Variants in GPC3 observed in about 807,000 individuals in gnomAD.
The protein encoded by GPC3 is glypican 3.
GPC3 carries 3 observed loss-of-function variants against 34.4 expected under a neutral mutation model. The ratio of observed to expected loss-of-function variants is 0.09; its 90% CI spans 0.04 to 0.23. The LOEUF is 0.23. Ranked by LOEUF, GPC3 falls within the 10% of genes least tolerant of loss-of-function variation. GPC3 has a pLI of 1.00. For synonymous variants in GPC3, 177 were observed against 174.0 expected (o/e 1.02, Z -0.13); for missense variants, 351 against 445.6 (o/e 0.79, Z 1.91).
chrX:133,733,150 T>C lies in GPC3; in HGVS notation c.1032+20332A>G, dbSNP rs1399765015. ...TCTTTTGCAGCAACTTGGATGGAGC[T>C]GGAGGCCATTATTCTAAGTGAAGTA... On this transcript the variant is annotated intron_variant, in intron 3 of 7. Transcript: ENST00000370818. 2.4e-4 allele frequency among the ~76,000 whole-genome samples: 27 copies of C among 111,305 alleles called. No homozygotes were observed. In the Admixed American group the frequency reaches 2.6e-3, roughly 11 times the overall value.
chrX:133,918,809 C>T (rs777414213), intron 2 of GPC3, among the ~76,000 whole-genome samples: 33 of 111,759 alleles, frequency 3.0e-4, no homozygotes, highest in African/African-American at 8.8e-4. Context: ...AATTTAAATG[C>T]GTTAGGACTT....
intron 6 of GPC3, among the ~76,000 whole-genome samples, chrX:133,615,160 T>C (rs1240101164): frequency 2.7e-5 from 3 of 111,854 alleles, no homozygotes; most frequent in African/African-American, 6.5e-5. Context: ...TTTCAAAAAA[T>C]GGAAGAGAAA....
intron 6 of GPC3, among the ~76,000 whole-genome samples, chrX:133,648,261 G>GTT (rs11318287): frequency 2.1e-4 from 17 of 82,815 alleles, no homozygotes; most frequent in Non-Finnish European, 2.4e-4. Flanking sequence ...ATACTATGAG[G>GTT]TTTTTTTTTT....
chrX:133,938,089 G>T (rs1292041647), intron 2 of GPC3, among the ~76,000 whole-genome samples: 1 of 112,051 alleles, frequency 8.9e-6, no homozygotes, highest in Non-Finnish European at 1.9e-5. Context: ...AAGCCAAATT[G>T]ATGAAGGGGA....
At chrX:133,570,081 C>T (rs747699288) in intron 7 of GPC3, among the ~76,000 whole-genome samples, 1 of 110,322 alleles carries the variant, frequency 9.1e-6, no homozygotes, top group East Asian at 2.9e-4. Context: ...TTAGTAGAGA[C>T]GGGGTTTCAC....
intron 2 of GPC3, among the ~76,000 whole-genome samples, chrX:133,897,155 C>T (rs1475561287): frequency 9.3e-6 from 1 of 107,835 alleles, no homozygotes; most frequent in Non-Finnish European, 1.9e-5. Flanking sequence ...ATCCGCCCAC[C>T]TTGGCCTCCT....
chrX:133,603,212 G>A (rs959844935), intron 6 of GPC3, among the ~76,000 whole-genome samples: 1 of 109,689 alleles, frequency 9.1e-6, no homozygotes, highest in South Asian at 4.0e-4. Flanking sequence ...TGGTGAATCT[G>A]GGATGGGGCA....
chrX:133,908,647 T>C (rs1038497152), intron 2 of GPC3, among the ~76,000 whole-genome samples: 1 of 111,693 alleles, frequency 9.0e-6, no homozygotes, highest in Non-Finnish European at 1.9e-5. Flanking sequence ...GTTCATAAAA[T>C]GTGGTGACTA....
At chrX:133,586,418 T>C (rs774989704) in intron 7 of GPC3, among the ~76,000 whole-genome samples, 2 of 111,806 alleles carry the variant, frequency 1.8e-5, no homozygotes, top group Non-Finnish European at 3.8e-5. Context: ...AGTGTTATTA[T>C]GGTGAGCTTT....
At chrX:133,705,623 G>A (rs992875466) in intron 3 of GPC3, among the ~76,000 whole-genome samples, 1 of 112,140 alleles carries the variant, frequency 8.9e-6, no homozygotes, top group Non-Finnish European at 1.9e-5. Context: ...TTTTGTTTTC[G>A]ATTTTCCCGT....
At chrX:133,764,132 C>T (rs1046949897) in intron 2 of GPC3, among the ~76,000 whole-genome samples, 1 of 111,750 alleles carries the variant, frequency 8.9e-6, no homozygotes, top group East Asian at 2.8e-4. Context: ...AACATGGATG[C>T]AACTGAAGGT....
chrX:133,975,251 G>A (rs938735765), intron 1 of GPC3, among the ~76,000 whole-genome samples: 12 of 111,767 alleles, frequency 1.1e-4, no homozygotes, highest in African/African-American at 3.9e-4. Context: ...TGTTTTCAAG[G>A]CTCCTCATCA....
At chrX:133,936,456 C>T (rs1362050776) in intron 2 of GPC3, among the ~76,000 whole-genome samples, 1 of 110,759 alleles carries the variant, frequency 9.0e-6, no homozygotes, top group Non-Finnish European at 1.9e-5. Context: ...GTTTTCCACA[C>T]GTGCCTAAAC....
chrX:133,804,867 T>C (rs1238791843), intron 2 of GPC3, among the ~76,000 whole-genome samples: 1 of 111,514 alleles, frequency 9.0e-6, no homozygotes, highest in South Asian at 3.8e-4. Flanking sequence ...TAAATAAAAG[T>C]AATGAGCCCT....
chrX:133,737,540 G>T (rs1006900155), intron 3 of GPC3, among the ~76,000 whole-genome samples: 2 of 111,549 alleles, frequency 1.8e-5, no homozygotes, highest in African/African-American at 3.3e-5. Context: ...AAGTCTATTA[G>T]CAAACAAACA....
chrX:133,914,229 C>T (rs969699550), intron 2 of GPC3, among the ~76,000 whole-genome samples: 2 of 111,111 alleles, frequency 1.8e-5, no homozygotes, highest in Non-Finnish European at 3.8e-5. Context: ...CAAGCAAGGT[C>T]CTAAATAAGA....
chrX:133,812,858 C>T (rs930513556), intron 2 of GPC3, among the ~76,000 whole-genome samples: 1 of 111,833 alleles, frequency 8.9e-6, no homozygotes, highest in Non-Finnish European at 1.9e-5. Context: ...GAAAACAATC[C>T]TTCCCAGTGC....
intron 5 of GPC3, among the ~76,000 whole-genome samples, chrX:133,664,517 T>C (rs2070752999): frequency 9.0e-6 from 1 of 111,596 alleles, no homozygotes; most frequent in South Asian, 3.7e-4. Flanking sequence ...GTAGATTCAA[T>C]ATTTTGTAAA....
chrX:133,595,688 GTAT>G (rs1264983039), intron 7 of GPC3, among the ~76,000 whole-genome samples: 2 of 110,547 alleles, frequency 1.8e-5, no homozygotes, highest in East Asian at 5.7e-4. Context: ...GCTAATTTTT[GTAT>G]TTTTGTAGAG....
Sources: gnomAD v4.1 joint callset for allele counts (sites outside exome capture counted in the v4.1 genomes callset) on GRCh38, gnomAD v4.1.1 for gene constraint, MANE v1.5 for transcripts, NCBI Gene and HGNC (gene_info 2026-07-23, HGNC 2026-07-21) for gene names.